Variants in SHOC1 observed in about 807,000 individuals in gnomAD.
SHOC1 encodes the protein shortage in chiasmata 1, also known as protein shortage in chiasmata 1 ortholog.
A neutral mutation model predicts 179.2 loss-of-function variants in SHOC1; 136 were observed. That is an observed-to-expected ratio of 0.76 (90% CI 0.66 to 0.87). The LOEUF is 0.87. Ranked by LOEUF, SHOC1 falls within the 40% of genes least tolerant of loss-of-function variation. The pLI, the probability that SHOC1 is intolerant of heterozygous loss-of-function variation, is 0.00. For synonymous variants in SHOC1, 489 were observed against 586.6 expected (o/e 0.83, Z 2.41); for missense variants, 1,538 against 1,700.8 (o/e 0.90, Z 1.68).
chr9:111,712,463 G>C (rs1176996391), intron 18 of SHOC1, among the ~76,000 whole-genome samples: 2 of 152,164 alleles, frequency 1.3e-5, no homozygotes, highest in African/African-American at 2.4e-5. Context: ...TATATGTAGA[G>C]AAAATTATCA....
At position 111,727,938 on chromosome 9, in the gene SHOC1, G is replaced by A; in HGVS notation, c.1529C>T (p.Pro510Leu). 2 of 1,613,270 alleles carry A rather than the reference G, an allele frequency of 1.2e-6. No homozygotes were observed. Among genetic ancestry groups the A allele is most frequent in the African/African-American group, 1.3e-5 (1 of 74,976 alleles). ...QKSPSLAKEV[P>L]DLCFSDDYFS... ...ATAGTCATCAGAAAAACATAGATCT[G>A]GTACTTCTTTTGCCAGAGATGGACT... The change falls in exon 13 of 28, where the codon CCA (proline) becomes CTA (leucine). Residue 510 changes from proline (P) to leucine (L), a missense_variant. Transcript: ENST00000682961.
chr9:111,709,394 C>T (rs967829124), intron 18 of SHOC1, among the ~76,000 whole-genome samples: 7 of 152,050 alleles, frequency 4.6e-5, no homozygotes, highest in Non-Finnish European at 7.4e-5. Flanking sequence ...TGATTGTATT[C>T]GCTATGATCC....
At chr9:111,779,609 G>C (rs894944689) in intron 4 of SHOC1, among the ~76,000 whole-genome samples, 2 of 151,742 alleles carry the variant, frequency 1.3e-5, no homozygotes, top group Non-Finnish European at 2.9e-5. Context: ...ACCTCTCCTA[G>C]TTATAAATGC....
At chr9:111,746,387 T>A in intron 9 of SHOC1, 45 bp from the exon 10 acceptor site, 2 of 1,296,220 alleles carry the variant, frequency 1.5e-6, no homozygotes, top group Non-Finnish European at 2.2e-6. Flanking sequence ...TGAATAATAT[T>A]AAGTAGGCTA....
chr9:111,773,150 G>A (rs1835687080), intron 5 of SHOC1, among the ~76,000 whole-genome samples: 1 of 152,016 alleles, frequency 6.6e-6, no homozygotes, highest in African/African-American at 2.4e-5. Flanking sequence ...TTTTGGCATT[G>A]TATATTTGTT....
intron 8 of SHOC1, among the ~76,000 whole-genome samples, chr9:111,755,789 TG>T (rs1834825887): frequency 6.6e-6 from 1 of 152,130 alleles, no homozygotes; most frequent in Middle Eastern, 3.2e-3. Context: ...TATCTTGAAA[TG>T]GTTAAATTTC....
chr9:111,756,337 GC>G lies in SHOC1; in HGVS notation c.849del (p.Lys283AsnfsTer19), dbSNP rs1371380110. ...AATTAATTCTCACCTCTTTCAAAAA[GC>G]TTTTCCTTTTCATCTACATAGTTTA... ...EIINYVDEKE[K>X]LFERDLTNKH... On this transcript the variant is annotated frameshift_variant, in exon 8 of 28. Coordinates refer to ENST00000682961, the MANE Select transcript of SHOC1 (RefSeq NM_001378211.1). LOFTEE classifies it high-confidence loss of function. 6.3e-7 allele frequency: 1 copy of G among 1,592,890 alleles called. No homozygotes were observed. The highest frequency in any genetic ancestry group is 1.4e-5 in the African/African-American group (1 of 73,560).
intron 27 of SHOC1, among the ~76,000 whole-genome samples, chr9:111,688,938 A>G (rs1437762024): frequency 6.6e-6 from 1 of 152,172 alleles, no homozygotes; most frequent in African/African-American, 2.4e-5. Context: ...AAAATATGAT[A>G]CATTAACGTG....
Position 111,769,975 on chromosome 9 carries a change from GTTT to G in SHOC1, c.442+5813_442+5815del. 1.3e-4 allele frequency among the ~76,000 whole-genome samples: 11 copies of G among 87,796 alleles called. No individual in the cohort carries two copies. In the East Asian group the frequency reaches 1.3e-3, roughly 11 times the overall value. The allele number at this position is 87,796 out of a possible 152,430, so 57.6% of individuals were successfully genotyped here. A position where few individuals can be genotyped will look rare whatever the true frequency, so the allele number is the denominator to read the frequency against. On this transcript the variant is annotated intron_variant, in intron 5 of 27. Transcript: ENST00000682961. ...AATCTAGCGAAAGGTTTTATCTTCT[GTTT>G]TTTTTTTGTTTTTTTTTTTTTTTTT...
At position 111,703,739 on chromosome 9, in the gene SHOC1, CG is replaced by C. The variant is rs1589382901; in HGVS notation, c.2967+141del. ...TGATAATAGTCATTTTCCACAGTGACGATTTTAGCACTTGTGGCCCATTTGC... is the reference window on the plus strand; with the variant it reads ...TGATAATAGTCATTTTCCACAGTGACATTTTAGCACTTGTGGCCCATTTGC... On this transcript the variant is annotated intron_variant, in intron 22 of 27. Coordinates refer to ENST00000682961, the MANE Select transcript of SHOC1 (RefSeq NM_001378211.1). 11 of 465,148 alleles carry C rather than the reference CG, an allele frequency of 2.4e-5. No individual in the cohort carries two copies. In the East Asian group the frequency reaches 3.6e-4, roughly 15 times the overall value. The allele number at this position is 465,148 out of a possible 1,614,324, so 28.8% of individuals were successfully genotyped here.
rs769092770 is a variant in SHOC1, at chr9:111,706,761, G to C, written c.2559-15C>G. ...AGGAACTTGTACTAAAGACAAAAGA[G>C]AGCCAAGAAAATGGCATTATACTTG... On this transcript the variant is annotated splice_polypyrimidine_tract_variant and intron_variant, in intron 19 of 27. Transcript: ENST00000682961. 4.1e-5 allele frequency: 63 copies of C among 1,542,990 alleles called. No homozygotes were observed. Among genetic ancestry groups the C allele is most frequent in the South Asian group, 1.1e-4 (9 of 79,242 alleles).
rs78723155 is a variant in SHOC1, at chr9:111,722,675, C to T, written c.1955-90G>A. 2.4e-3 allele frequency: 2,383 copies of T among 992,388 alleles called. 41 individuals are homozygous for T. In the African/African-American group the frequency reaches 0.037, roughly 15 times the overall value. The allele number at this position is 992,388 out of a possible 1,614,324, so 61.5% of individuals were successfully genotyped here. A position where few individuals can be genotyped will look rare whatever the true frequency, so the allele number is the denominator to read the frequency against. On this transcript the variant is annotated intron_variant, in intron 14 of 27. Transcript: ENST00000682961. ...AATTAAATGTTATTTCGTGGAGATCCGAACTTCTATCTGAATTATTTTCTG... is the reference window on the plus strand; with the variant it reads ...AATTAAATGTTATTTCGTGGAGATCTGAACTTCTATCTGAATTATTTTCTG...
intron 27 of SHOC1, among the ~76,000 whole-genome samples, chr9:111,689,055 C>T (rs1276373440): frequency 2.0e-5 from 3 of 151,968 alleles, no homozygotes; most frequent in Admixed American, 6.6e-5. Context: ...GATATAATCT[C>T]ATAATTGCCA....
intron 5 of SHOC1, among the ~76,000 whole-genome samples, chr9:111,765,097 C>T (rs938498943): frequency 3.3e-5 from 5 of 150,658 alleles, no homozygotes; most frequent in East Asian, 2.0e-4. Flanking sequence ...GCCGAGATCA[C>T]GCCACTGCAC....
chr9:111,694,943 GT>G (rs1831622344), intron 24 of SHOC1, among the ~76,000 whole-genome samples: 1 of 152,010 alleles, frequency 6.6e-6, no homozygotes, highest in African/African-American at 2.4e-5. Flanking sequence ...AAAATGTGGT[GT>G]TTGTGTATAT....
intron 3 of SHOC1, among the ~76,000 whole-genome samples, chr9:111,785,262 C>T (rs983062720): frequency 8.6e-5 from 13 of 151,620 alleles, no homozygotes; most frequent in African/African-American, 3.1e-4. Context: ...ACTCCCTACT[C>T]CCGCAATTTC....
At chr9:111,729,525 ACTTTT>A (rs1166452691) in intron 12 of SHOC1, among the ~76,000 whole-genome samples, 3 of 152,214 alleles carry the variant, frequency 2.0e-5, no homozygotes, top group African/African-American at 7.2e-5. Flanking sequence ...ACACTGACTG[ACTTTT>A]CTTTTCACGA....
At chr9:111,767,967 T>C (rs1381381165) in intron 5 of SHOC1, among the ~76,000 whole-genome samples, 1 of 152,092 alleles carries the variant, frequency 6.6e-6, no homozygotes, top group Non-Finnish European at 1.5e-5. Context: ...AGTATTGTTA[T>C]TTTGGCAATA....
intron 4 of SHOC1, among the ~76,000 whole-genome samples, chr9:111,779,684 C>T (rs1019067399): frequency 1.3e-5 from 2 of 152,124 alleles, no homozygotes; most frequent in African/African-American, 2.4e-5. Flanking sequence ...CATCTTGTTA[C>T]TCAAGGTAGG....
Sources: gnomAD v4.1 joint callset for allele counts (sites outside exome capture counted in the v4.1 genomes callset) on GRCh38, gnomAD v4.1.1 for gene constraint, MANE v1.5 for transcripts, NCBI Gene and HGNC (gene_info 2026-07-23, HGNC 2026-07-21) for gene names.